The following DLG2 variants were observed in gnomAD, a reference collection of about 807,000 sequenced individuals.
The protein encoded by DLG2 is discs large MAGUK scaffold protein 2.
A neutral mutation model predicts 132.5 loss-of-function variants in DLG2; 45 were observed. The observed-to-expected ratio is 0.34, with a 90% confidence interval of 0.27 to 0.44. The LOEUF (loss-of-function observed/expected upper bound fraction) is 0.44. Among genes scored for constraint, DLG2 ranks in the 20% least tolerant of loss-of-function variants. DLG2 has a pLI of 1.00. For synonymous variants in DLG2, 424 were observed against 419.6 expected (o/e 1.01, Z -0.13); for missense variants, 1,045 against 1,196.9 (o/e 0.87, Z 1.87).
At chr11:84,529,713 A>G (rs2099330642) in intron 7 of DLG2, among the ~76,000 whole-genome samples, 1 of 152,088 alleles carries the variant, frequency 6.6e-6, no homozygotes, top group African/African-American at 2.4e-5. Flanking sequence ...AAATGGCCAT[A>G]CTCCCTAAAG....
At chr11:84,914,243 A>G (rs1420009935) in intron 6 of DLG2, among the ~76,000 whole-genome samples, 2 of 152,186 alleles carry the variant, frequency 1.3e-5, no homozygotes, top group African/African-American at 4.8e-5. Flanking sequence ...TCTACACAGA[A>G]AGAAAAAACA....
intron 5 of DLG2, among the ~76,000 whole-genome samples, chr11:85,116,940 A>C (rs2073683615): frequency 6.6e-6 from 1 of 152,030 alleles, no homozygotes; most frequent in Admixed American, 6.6e-5. Flanking sequence ...AGAAACTTCA[A>C]TGGGACTGCA....
At chr11:85,609,082 G>A (rs1270977684) in intron 2 of DLG2, among the ~76,000 whole-genome samples, 1 of 152,122 alleles carries the variant, frequency 6.6e-6, no homozygotes, top group African/African-American at 2.4e-5. Context: ...GTTGACCTGT[G>A]TTCTAGAAGG....
chr11:85,308,730 C>A (rs1292637484), intron 3 of DLG2, among the ~76,000 whole-genome samples: 1 of 152,080 alleles, frequency 6.6e-6, no homozygotes, highest in Non-Finnish European at 1.5e-5. Flanking sequence ...CCTTCCACGA[C>A]TCTAACTAAT....
intron 6 of DLG2, among the ~76,000 whole-genome samples, chr11:84,839,248 T>C (rs958424216): frequency 2.6e-5 from 4 of 152,042 alleles, no homozygotes; most frequent in Non-Finnish European, 4.4e-5. Flanking sequence ...TCACAATTGC[T>C]GCAAAGAGAA....
chr11:84,868,104 T>G (rs894732985), intron 6 of DLG2, among the ~76,000 whole-genome samples: 1 of 147,868 alleles, frequency 6.8e-6, no homozygotes, highest in African/African-American at 2.5e-5. Context: ...TAATAATATA[T>G]TATTATATAT....
intron 19 of DLG2, among the ~76,000 whole-genome samples, chr11:83,552,802 T>C (rs1322718722): frequency 6.6e-6 from 1 of 152,166 alleles, no homozygotes. Context: ...TGGCCAAGAA[T>C]TTTTTCTAAC....
At chr11:84,246,152 A>C (rs1478224184) in intron 8 of DLG2, among the ~76,000 whole-genome samples, 3 of 152,220 alleles carry the variant, frequency 2.0e-5, no homozygotes, top group African/African-American at 7.2e-5. Flanking sequence ...TCGTGGTTTC[A>C]CATTCTGCAG....
chr11:85,408,631 G>A (rs1445579596), intron 3 of DLG2, among the ~76,000 whole-genome samples: 2 of 146,850 alleles, frequency 1.4e-5, no homozygotes, highest in African/African-American at 5.1e-5. Flanking sequence ...CCACCTATGA[G>A]TGAGAACATG....
chr11:84,163,165 C>G (rs938846519), intron 9 of DLG2, among the ~76,000 whole-genome samples: 1 of 152,046 alleles, frequency 6.6e-6, no homozygotes, highest in African/African-American at 2.4e-5. Flanking sequence ...AGCCAAAACA[C>G]TAATAATAAA....
chr11:84,874,253 G>A (rs1040962920), intron 6 of DLG2, among the ~76,000 whole-genome samples: 2 of 152,194 alleles, frequency 1.3e-5, no homozygotes, highest in Non-Finnish European at 2.9e-5. Flanking sequence ...AGTCAAGGAA[G>A]GCTTCCTTTG....
At chr11:85,420,002 G>A (rs562434420) in intron 3 of DLG2, among the ~76,000 whole-genome samples, 134 of 152,300 alleles carry the variant, frequency 8.8e-4, no homozygotes, top group African/African-American at 3.1e-3. Context: ...TCCTTTGGAG[G>A]TGAAGAGGCA....
chr11:83,955,752 C>G (rs1198856478), intron 14 of DLG2, among the ~76,000 whole-genome samples: 1 of 152,210 alleles, frequency 6.6e-6, no homozygotes, highest in Non-Finnish European at 1.5e-5. Flanking sequence ...TAAAAGCAGG[C>G]AGAGGAACAT....
chr11:83,660,490 C>T (rs2073978342), intron 18 of DLG2, among the ~76,000 whole-genome samples: 1 of 152,176 alleles, frequency 6.6e-6, no homozygotes, highest in Admixed American at 6.5e-5. Flanking sequence ...GCGCAGCCAC[C>T]ATCAGCCTGA....
intron 6 of DLG2, among the ~76,000 whole-genome samples, chr11:84,834,838 T>C (rs1321621281): frequency 1.3e-5 from 2 of 150,296 alleles, no homozygotes; most frequent in African/African-American, 4.9e-5. Context: ...TATCAAAGAA[T>C]TTCTCCAGGG....
At chr11:83,891,934 T>C (rs1039058074) in intron 15 of DLG2, among the ~76,000 whole-genome samples, 1 of 152,184 alleles carries the variant, frequency 6.6e-6, no homozygotes, top group Admixed American at 6.5e-5. Context: ...GATGTTTCAC[T>C]TGACATCTGC....
intron 4 of DLG2, among the ~76,000 whole-genome samples, chr11:85,213,648 T>C (rs530233941): frequency 7.2e-5 from 11 of 152,262 alleles, no homozygotes; most frequent in African/African-American, 2.6e-4. Context: ...AAGTTCTCTG[T>C]TGATGTTAAT....
intron 19 of DLG2, among the ~76,000 whole-genome samples, chr11:83,547,486 G>T (rs1035035599): frequency 6.6e-6 from 1 of 152,034 alleles, no homozygotes; most frequent in Non-Finnish European, 1.5e-5. Context: ...ATATGACTTG[G>T]GAAGGACTTG....
chr11:83,973,173 T>C (rs1245738162), intron 12 of DLG2, among the ~76,000 whole-genome samples: 1 of 152,122 alleles, frequency 6.6e-6, no homozygotes, highest in Non-Finnish European at 1.5e-5. Flanking sequence ...ATGTAAACAA[T>C]ATATTAGCAT....
Sources: gnomAD v4.1 joint callset for allele counts (sites outside exome capture counted in the v4.1 genomes callset) on GRCh38, gnomAD v4.1.1 for gene constraint, MANE v1.5 for transcripts, NCBI Gene and HGNC (gene_info 2026-07-23, HGNC 2026-07-21) for gene names.